The following GMDS variants were observed in gnomAD, a reference collection of about 807,000 sequenced individuals.
GMDS encodes the protein GDP-mannose 4,6 dehydratase.
GMDS carries 20 observed loss-of-function variants against 49.9 expected under a neutral mutation model. The observed-to-expected ratio is 0.40, with a 90% CI of 0.28 to 0.58. GMDS has a LOEUF of 0.58. GMDS is among the 20% of genes least tolerant of loss of function. GMDS has a pLI of 0.42. For synonymous variants in GMDS, 177 were observed against 178.6 expected, an observed-to-expected ratio of 0.99 and a Z score of 0.07; for missense variants, 362 against 481.4, an observed-to-expected ratio of 0.75 and a Z score of 2.32.
chr6:1,853,121 TACTC>T (rs1214865127), intron 7 of GMDS, among the ~76,000 whole-genome samples: 1 of 152,262 alleles, frequency 6.6e-6, no homozygotes, highest in Non-Finnish European at 1.5e-5. Flanking sequence ...TCCCCTTTCC[TACTC>T]ACTAAGGGCA....
chr6:1,904,469 T>C (rs1760655843), intron 7 of GMDS, among the ~76,000 whole-genome samples: 1 of 152,196 alleles, frequency 6.6e-6, no homozygotes, highest in Non-Finnish European at 1.5e-5. Context: ...GATTTCCTTT[T>C]TGCAGGCAGA....
chr6:2,183,014 T>C (rs1361609853), intron 1 of GMDS, among the ~76,000 whole-genome samples: 23 of 152,128 alleles, frequency 1.5e-4, no homozygotes, highest in Admixed American at 6.5e-5. Flanking sequence ...AGACAAAAGA[T>C]TATTTGCAAA....
intron 7 of GMDS, among the ~76,000 whole-genome samples, chr6:1,868,867 T>G (rs749272138): frequency 6.6e-6 from 1 of 152,256 alleles, no homozygotes; most frequent in Non-Finnish European, 1.5e-5. Flanking sequence ...CAGAAAATTA[T>G]GAATATGTTT....
Position 1,999,987 on chromosome 6 carries a change from A to ATATATAT in GMDS, c.346-39028_346-39022dup, listed in dbSNP as rs1766633314. Among the ~76,000 whole-genome samples the ATATATAT allele has an allele frequency of 8.0e-4, 13 of 16,264 alleles. 1 individual carries two copies. Among genetic ancestry groups the ATATATAT allele is most frequent in the Non-Finnish European group, 1.1e-3 (9 of 7,976 alleles). 10.7% of individuals were successfully genotyped at this position (16,264 alleles called of 152,430 possible). A position where few individuals can be genotyped will look rare whatever the true frequency, so the allele number is the denominator to read the frequency against. On this transcript the variant is annotated intron_variant, in intron 4 of 10. Coordinates refer to ENST00000380815, the MANE Select transcript of GMDS (RefSeq NM_001500.4). ...TATATATATTATATATATATTTTATATATATATATTATATATATATATTTT... is the reference window on the plus strand; with the variant it reads ...TATATATATTATATATATATTTTATATATATATTATATATATTATATATATATATTTT...
rs1357372941 is a variant in GMDS, at chr6:1,836,116, C to T, written c.772-93530G>A. 6.6e-6 allele frequency among the ~76,000 whole-genome samples: 1 copy of T among 152,194 alleles called. No homozygotes were observed. The highest frequency in any genetic ancestry group is 1.9e-4 in the East Asian group (1 of 5,184). On this transcript the variant is annotated intron_variant, in intron 7 of 10. Coordinates refer to ENST00000380815, the MANE Select transcript of GMDS (RefSeq NM_001500.4). The surrounding 1 kb of genome is among the most constrained non-coding windows in gnomAD (Gnocchi z 4.2). The stretch of plus-strand genomic sequence containing the variant: ...TCTCCTGATCTCGTGATCCACCCGC[C>T]TCAGCCTCCCAAAGTGCTGGGATTA...
At chr6:1,769,612 A>C (rs1768497368) in intron 7 of GMDS, among the ~76,000 whole-genome samples, 1 of 152,254 alleles carries the variant, frequency 6.6e-6, no homozygotes, top group African/African-American at 2.4e-5. Flanking sequence ...CTTCGACCTC[A>C]ATAGTTTAAA....
At position 1,833,647 on chromosome 6, in the gene GMDS, C is replaced by T. The variant is rs1227092188; in HGVS notation, c.772-91061G>A. 6.6e-6 allele frequency among the ~76,000 whole-genome samples: 1 copy of T among 152,126 alleles called. No individual in the cohort carries two copies. The highest frequency in any genetic ancestry group is 1.5e-5 in the Non-Finnish European group (1 of 68,032). On this transcript the variant is annotated intron_variant, in intron 7 of 10. Coordinates refer to ENST00000380815, the MANE Select transcript of GMDS (RefSeq NM_001500.4). This position sits in a 1 kb window ranked among gnomAD's most constrained non-coding sequence, Gnocchi z 4.4. ...TTTGTGCAGAAAACAAAACTTCACA[C>T]CCCACACATATTTTGGATGACCTAA... is the stretch of plus-strand genomic sequence containing the variant.
intron 9 of GMDS, among the ~76,000 whole-genome samples, chr6:1,660,671 A>C (rs1213978994): frequency 6.7e-6 from 1 of 150,062 alleles, no homozygotes; most frequent in East Asian, 1.9e-4. Flanking sequence ...CAACTGAATA[A>C]GAGGCATATC....
At position 1,978,547 on chromosome 6, in the gene GMDS, C is replaced by T. The variant is rs552433300; in HGVS notation, c.346-17581G>A. On this transcript the variant is annotated intron_variant, in intron 4 of 10. Coordinates refer to ENST00000380815, the MANE Select transcript of GMDS (RefSeq NM_001500.4). ...TACTCCTCCTTGTGGGGCGGGTCCT[C>T]CCAGCTGGGGCCTCCAGCCACCCCC... is the stretch of plus-strand genomic sequence containing the variant. Among the ~76,000 whole-genome samples the T allele has an allele frequency of 2.6e-5, 4 of 152,256 alleles. No homozygotes were observed. In the South Asian group the frequency reaches 8.3e-4, roughly 32 times the overall value.
At chr6:1,930,058 C>T (rs1231902363) in intron 7 of GMDS, 45 bp downstream of exon 7, 2 of 1,540,892 alleles carry the variant, frequency 1.3e-6, no homozygotes. Flanking sequence ...TTTAGAATAT[C>T]AATGGATACG....
intron 9 of GMDS, among the ~76,000 whole-genome samples, chr6:1,665,986 C>A (rs570374170): frequency 5.9e-5 from 9 of 152,130 alleles, no homozygotes; most frequent in African/African-American, 2.2e-4. Context: ...TTAATTTCAG[C>A]GACTTGGAGG....
chr6:1,811,566 T>C (rs1441567322), intron 7 of GMDS, among the ~76,000 whole-genome samples: 1 of 151,584 alleles, frequency 6.6e-6, no homozygotes, highest in Non-Finnish European at 1.5e-5. Flanking sequence ...TTTTTTTTTT[T>C]TTTTTTTCAA....
intron 7 of GMDS, among the ~76,000 whole-genome samples, chr6:1,747,710 C>T (rs892276864): frequency 6.6e-6 from 1 of 152,158 alleles, no homozygotes; most frequent in Non-Finnish European, 1.5e-5. Flanking sequence ...TCAGGACCTC[C>T]AGTAGTTTTG....
At chr6:2,158,811 G>A (rs951395547) in intron 1 of GMDS, among the ~76,000 whole-genome samples, 1 of 152,128 alleles carries the variant, frequency 6.6e-6, no homozygotes, top group Non-Finnish European at 1.5e-5. Context: ...TTTGCCAACC[G>A]GCATCAATGA....
At chr6:1,676,440 T>C (rs9800595) in intron 9 of GMDS, among the ~76,000 whole-genome samples, 10,266 of 152,196 alleles carry the variant, frequency 0.067, 390 homozygotes, top group South Asian at 0.12. Flanking sequence ...TACTTTAAAC[T>C]TCATATGGAA....
intron 7 of GMDS, among the ~76,000 whole-genome samples, chr6:1,909,006 A>C (rs778984152): frequency 1.8e-4 from 27 of 152,194 alleles, no homozygotes; most frequent in Non-Finnish European, 3.8e-4. Flanking sequence ...CAGGGGAAAA[A>C]AGGCTACGTA....
At chr6:2,198,899 T>C (rs916392816) in intron 1 of GMDS, among the ~76,000 whole-genome samples, 4 of 150,388 alleles carry the variant, frequency 2.7e-5, no homozygotes, top group African/African-American at 7.3e-5. Context: ...TGAGAACAGG[T>C]AGAAAACAGA....
At chr6:1,777,449 T>C (rs890440937) in intron 7 of GMDS, among the ~76,000 whole-genome samples, 1 of 152,264 alleles carries the variant, frequency 6.6e-6, no homozygotes, top group Non-Finnish European at 1.5e-5. Context: ...TACTTCCAGA[T>C]TTACTGCTGA....
At chr6:1,739,850 T>C (rs1767192119) in intron 8 of GMDS, among the ~76,000 whole-genome samples, 1 of 152,198 alleles carries the variant, frequency 6.6e-6, no homozygotes, top group Non-Finnish European at 1.5e-5. Context: ...CAGTTTCAGT[T>C]CCTGAAAAAC....
Sources: allele counts gnomAD v4.1 joint callset (sites outside exome capture counted in the v4.1 genomes callset), GRCh38; gene constraint gnomAD v4.1.1; non-coding constraint Gnocchi (gnomAD v3.1); transcripts MANE v1.5; gene names NCBI Gene and HGNC (gene_info 2026-07-23, HGNC 2026-07-21).